The following FBXW4 variants were observed in gnomAD, a reference collection of about 807,000 sequenced individuals.
FBXW4 encodes the protein F-box/WD repeat-containing protein 4.
A neutral mutation model predicts 61.8 loss-of-function variants in FBXW4; 40 were observed. That is an observed-to-expected ratio of 0.65 (90% CI 0.50 to 0.84). The LOEUF is 0.84. FBXW4 is among the 40% of genes least tolerant of loss of function. The probability of loss-of-function intolerance (pLI) is 0.00; values close to 1 mark genes in which losing one functional copy is unlikely to be tolerated. For synonymous variants in FBXW4, 311 were observed against 313.8 expected (o/e 0.99, Z 0.10); for missense variants, 672 against 753.8 (o/e 0.89, Z 1.27).
At position 101,661,910 on chromosome 10, in the gene FBXW4, T is replaced by C. The variant is rs912992897; in HGVS notation, c.1235+5976A>G. 2.6e-5 allele frequency among the ~76,000 whole-genome samples: 4 copies of C among 152,140 alleles called. No individual in the cohort carries two copies. In the East Asian group the frequency reaches 7.7e-4, roughly 29 times the overall value. On this transcript the variant is annotated intron_variant, in intron 5 of 8. Transcript: ENST00000331272. ...GCACTATAGTCATCCACCTGAGTTT[T>C]TCCTCGAGTTATCAAGGTCAAGCAT... is the stretch of plus-strand genomic sequence containing the variant.
intron 5 of FBXW4, among the ~76,000 whole-genome samples, chr10:101,642,001 T>G (rs1564911370): frequency 6.6e-6 from 1 of 151,972 alleles, no homozygotes; most frequent in Non-Finnish European, 1.5e-5. Context: ...ACCCCGTCTC[T>G]ACTAAAATTA....
intron 6 of FBXW4, 89 bp from the exon 7 acceptor site, chr10:101,612,566 T>C (rs760900810): frequency 1.8e-5 from 24 of 1,333,426 alleles, no homozygotes; most frequent in Non-Finnish European, 2.4e-5. Context: ...CTTGGGGAAA[T>C]GTTCTCTTTC....
chr10:101,620,933 AG>A (rs2063862583), intron 6 of FBXW4, among the ~76,000 whole-genome samples: 1 of 152,200 alleles, frequency 6.6e-6, no homozygotes, highest in South Asian at 2.1e-4. Flanking sequence ...TGTACCGAAG[AG>A]TACCCTTCAC....
In FBXW4 at chr10:101,611,906, G is replaced by T; in HGVS notation, c.1443-137C>A. 1.8e-6 allele frequency: 2 copies of T among 1,118,876 alleles called. No homozygotes were observed. Among genetic ancestry groups the T allele is most frequent in the Non-Finnish European group, 2.5e-6 (2 of 811,012 alleles). 69.3% of individuals were successfully genotyped at this position (1,118,876 alleles called of 1,614,324 possible). ...GAAGAGAAAGAAGCCTAAATCATCA[G>T]ATTCATCAAAAACCGAACTTCATGG... is the stretch of plus-strand genomic sequence containing the variant. On this transcript the variant is annotated intron_variant, in intron 7 of 8. Transcript: ENST00000331272. The surrounding 1 kb of genome is among the most constrained non-coding windows in gnomAD (Gnocchi z 4.9).
chr10:101,651,979 A>C (rs2064149557), intron 5 of FBXW4, among the ~76,000 whole-genome samples: 1 of 152,024 alleles, frequency 6.6e-6, no homozygotes, highest in African/African-American at 2.4e-5. Flanking sequence ...GCACCTAATC[A>C]AAGATTCACC....
At chr10:101,683,447 T>A (rs1409344550) in intron 1 of FBXW4, among the ~76,000 whole-genome samples, 1 of 152,170 alleles carries the variant, frequency 6.6e-6, no homozygotes, top group Non-Finnish European at 1.5e-5. Flanking sequence ...TTCCTGGGCA[T>A]ATGACCTATT....
chr10:101,654,659 T>C (rs187710355), intron 5 of FBXW4, among the ~76,000 whole-genome samples: 1 of 152,346 alleles, frequency 6.6e-6, no homozygotes, highest in African/African-American at 2.4e-5. Flanking sequence ...TAAACTGTCA[T>C]ACTATTTTCT....
intron 5 of FBXW4, among the ~76,000 whole-genome samples, chr10:101,651,020 A>G (rs1158318348): frequency 6.6e-6 from 1 of 152,224 alleles, no homozygotes; most frequent in East Asian, 1.9e-4. Flanking sequence ...TTCACGGGGA[A>G]GATGCCTCTG....
At chr10:101,621,645 A>C (rs1388534084) in intron 6 of FBXW4, among the ~76,000 whole-genome samples, 2 of 152,196 alleles carry the variant, frequency 1.3e-5, no homozygotes, top group Non-Finnish European at 2.9e-5. Flanking sequence ...ACTGTATGGG[A>C]AACTCTTTCA....
chr10:101,685,774 C>T (rs2064527637), intron 1 of FBXW4, among the ~76,000 whole-genome samples: 1 of 152,112 alleles, frequency 6.6e-6, no homozygotes, highest in Admixed American at 6.5e-5. Context: ...ATGTCTTTAA[C>T]ACAAAAAGTG....
intron 5 of FBXW4, among the ~76,000 whole-genome samples, chr10:101,656,670 G>A (rs532428805): frequency 7.4e-4 from 113 of 152,254 alleles, no homozygotes; most frequent in Admixed American, 2.0e-3. Context: ...TCTAAAAGCT[G>A]GATTATGGCT....
At chr10:101,635,278 A>C (rs2063991287) in intron 5 of FBXW4, among the ~76,000 whole-genome samples, 1 of 133,446 alleles carries the variant, frequency 7.5e-6, no homozygotes, top group Non-Finnish European at 1.7e-5. Flanking sequence ...AGTTGCATGA[A>C]AACAAGCTCA....
chr10:101,680,429 T>A (rs1287042110), intron 1 of FBXW4, among the ~76,000 whole-genome samples: 1 of 151,996 alleles, frequency 6.6e-6, no homozygotes, highest in Non-Finnish European at 1.5e-5. Context: ...AGGGGAAAAA[T>A]TTTAACTAAC....
At chr10:101,630,365 T>C (rs1041689185) in intron 5 of FBXW4, among the ~76,000 whole-genome samples, 1 of 152,196 alleles carries the variant, frequency 6.6e-6, no homozygotes, top group African/African-American at 2.4e-5. Context: ...ACTGATATTA[T>C]AGCAGCAAAG....
chr10:101,612,185 T>C, intron 7 of FBXW4, 152 bp downstream of exon 7: 1 of 966,434 alleles, frequency 1.0e-6, no homozygotes, highest in Non-Finnish European at 1.4e-6. Flanking sequence ...GCTGCCCAAA[T>C]GTAGGAAGTC....
chr10:101,683,198 C>T (rs2064497253), intron 1 of FBXW4, among the ~76,000 whole-genome samples: 1 of 152,198 alleles, frequency 6.6e-6, no homozygotes, highest in Admixed American at 6.5e-5. Context: ...TTGAAGAGGC[C>T]TCTGGCCAGC....
intron 1 of FBXW4, among the ~76,000 whole-genome samples, chr10:101,687,612 A>G (rs1361378704): frequency 6.6e-6 from 1 of 152,144 alleles, no homozygotes; most frequent in Non-Finnish European, 1.5e-5. Flanking sequence ...CCAATCTCCA[A>G]GTTAGGGTTC....
chr10:101,641,798 G>A (rs1255603475), intron 5 of FBXW4, among the ~76,000 whole-genome samples: 4 of 151,930 alleles, frequency 2.6e-5, no homozygotes, highest in South Asian at 4.2e-4. Flanking sequence ...TCACATTATT[G>A]TGTATCAAAA....
intron 5 of FBXW4, among the ~76,000 whole-genome samples, chr10:101,645,582 G>C (rs2064089439): frequency 6.6e-6 from 1 of 152,206 alleles, no homozygotes; most frequent in African/African-American, 2.4e-5. Flanking sequence ...CCCTGAGCGG[G>C]GAACAGACAA....
Sources: allele counts gnomAD v4.1 joint callset (sites outside exome capture counted in the v4.1 genomes callset), GRCh38; gene constraint gnomAD v4.1.1; non-coding constraint Gnocchi (gnomAD v3.1); transcripts MANE v1.5; gene names NCBI Gene and HGNC (gene_info 2026-07-23, HGNC 2026-07-21).